ARHGAP18: variants seen among roughly 807,000 people sequenced by gnomAD.
ARHGAP18 encodes the protein Rho GTPase activating protein 18, also known as rho GTPase-activating protein 18.
A neutral mutation model predicts 86.2 loss-of-function variants in ARHGAP18; 67 were observed. The observed-to-expected ratio is 0.78, with a 90% CI of 0.64 to 0.95. The LOEUF (loss-of-function observed/expected upper bound fraction) is 0.95. Among genes scored for constraint, ARHGAP18 ranks in the 40% least tolerant of loss-of-function variants. The probability of loss-of-function intolerance (pLI) is 0.00; values close to 1 mark genes in which losing one functional copy is unlikely to be tolerated. For missense variants in ARHGAP18, 691 were observed against 780.4 expected (o/e 0.89, Z 1.37); for synonymous variants, 283 against 280.4 (o/e 1.01, Z -0.09).
At chr6:129,599,144 T>C (rs952031603) in intron 12 of ARHGAP18, 72 bp downstream of exon 12, 3 of 1,265,374 alleles carry the variant, frequency 2.4e-6, no homozygotes, top group Non-Finnish European at 3.1e-6. Flanking sequence ...TATGAAAACA[T>C]TAAATAAAAA....
At chr6:129,619,752 A>G (rs1445526679) in intron 5 of ARHGAP18, among the ~76,000 whole-genome samples, 1 of 151,538 alleles carries the variant, frequency 6.6e-6, no homozygotes, top group African/African-American at 2.4e-5. Flanking sequence ...TACCCTTCAC[A>G]TACACTTATG....
intron 1 of ARHGAP18, among the ~76,000 whole-genome samples, chr6:129,704,185 C>T (rs1200226950): frequency 6.6e-6 from 1 of 152,122 alleles, no homozygotes; most frequent in African/African-American, 2.4e-5. Context: ...GGGCTCACAC[C>T]TATAATCCTA....
chr6:129,657,907 G>A (rs1001510210), intron 1 of ARHGAP18, among the ~76,000 whole-genome samples: 1 of 152,086 alleles, frequency 6.6e-6, no homozygotes, highest in African/African-American at 2.4e-5. Flanking sequence ...CTTACTTTGG[G>A]CTATTGCTCC....
At chr6:129,684,021 G>A (rs866491533) in intron 1 of ARHGAP18, among the ~76,000 whole-genome samples, 8 of 152,308 alleles carry the variant, frequency 5.3e-5, no homozygotes, top group Middle Eastern at 3.4e-3. Flanking sequence ...GAGTTGGGGC[G>A]TTGAAAAATA....
At chr6:129,612,454 T>C (rs375480119) in intron 7 of ARHGAP18, among the ~76,000 whole-genome samples, 9 of 152,350 alleles carry the variant, frequency 5.9e-5, no homozygotes, top group East Asian at 3.9e-4. Flanking sequence ...ATTTCACAAT[T>C]GCCTTCCCTG....
At chr6:129,599,880 G>A (rs1788702488) in intron 11 of ARHGAP18, among the ~76,000 whole-genome samples, 2 of 151,950 alleles carry the variant, frequency 1.3e-5, no homozygotes, top group East Asian at 3.8e-4. Context: ...AATATTTTAA[G>A]GTATCAAAAT....
At chr6:129,591,887 T>C (rs1788523080) in intron 12 of ARHGAP18, among the ~76,000 whole-genome samples, 1 of 152,224 alleles carries the variant, frequency 6.6e-6, no homozygotes, top group Admixed American at 6.5e-5. Context: ...AATGGTATAT[T>C]CATCACCCTA....
At chr6:129,627,485 G>C (rs974180289) in intron 5 of ARHGAP18, among the ~76,000 whole-genome samples, 1 of 152,000 alleles carries the variant, frequency 6.6e-6, no homozygotes, top group Non-Finnish European at 1.5e-5. Context: ...AACTGAATCT[G>C]ATCAATTTAA....
At chr6:129,602,590 C>A (rs1179997601) in intron 10 of ARHGAP18, among the ~76,000 whole-genome samples, 1 of 152,034 alleles carries the variant, frequency 6.6e-6, no homozygotes, top group East Asian at 1.9e-4. Flanking sequence ...AAGGACAGAG[C>A]TTTAATATCT....
intron 1 of ARHGAP18, among the ~76,000 whole-genome samples, chr6:129,693,858 A>T (rs575556368): frequency 6.6e-6 from 1 of 152,294 alleles, no homozygotes; most frequent in South Asian, 2.1e-4. Flanking sequence ...AGAGTGCTCA[A>T]TATATATTTT....
chr6:129,629,114 T>C (rs1205498892), intron 5 of ARHGAP18, among the ~76,000 whole-genome samples: 1 of 151,992 alleles, frequency 6.6e-6, no homozygotes, highest in African/African-American at 2.4e-5. Flanking sequence ...CCAGGTGTGA[T>C]GGCTCATCCC....
At chr6:129,652,289 G>A (rs1490694890) in intron 1 of ARHGAP18, among the ~76,000 whole-genome samples, 1 of 152,186 alleles carries the variant, frequency 6.6e-6, no homozygotes, top group Admixed American at 6.5e-5. Context: ...CTCAGTTCTT[G>A]TTTCACAGCA....
chr6:129,629,892 AAGG>A (rs1562701040), intron 4 of ARHGAP18, among the ~76,000 whole-genome samples: 2 of 152,196 alleles, frequency 1.3e-5, no homozygotes, highest in Non-Finnish European at 2.9e-5. Flanking sequence ...GCAAAAAAAG[AAGG>A]AGGTGATGAG....
At chr6:129,624,327 G>A (rs1334762958) in intron 5 of ARHGAP18, among the ~76,000 whole-genome samples, 1 of 150,986 alleles carries the variant, frequency 6.6e-6, no homozygotes, top group African/African-American at 2.4e-5. Flanking sequence ...TCAGGAGTTC[G>A]AGACCAGCCT....
intron 1 of ARHGAP18, among the ~76,000 whole-genome samples, chr6:129,668,846 G>C (rs1317977489): frequency 6.6e-6 from 1 of 152,212 alleles, no homozygotes; most frequent in East Asian, 1.9e-4. Flanking sequence ...GTGATAGTCT[G>C]AGGCTGCAGG....
intron 12 of ARHGAP18, among the ~76,000 whole-genome samples, chr6:129,594,507 A>C (rs903172983): frequency 1.1e-4 from 16 of 152,144 alleles, no homozygotes; most frequent in African/African-American, 3.1e-4. Flanking sequence ...ACCTTGTGTA[A>C]TATGAACCAC....
chr6:129,620,294 C>A (rs1288141472), intron 5 of ARHGAP18, among the ~76,000 whole-genome samples: 2 of 152,184 alleles, frequency 1.3e-5, no homozygotes, highest in African/African-American at 2.4e-5. Flanking sequence ...GGATTTTTCA[C>A]TTGTGGCATC....
rs775464255 is a variant in ARHGAP18, at chr6:129,599,316, G to T, written c.1613C>A (p.Thr538Lys). 3 of 1,583,132 alleles carry T rather than the reference G, an allele frequency of 1.9e-6. No homozygotes were observed. The Admixed American group carries it at 5.4e-5, about 29-fold the overall frequency. Reference protein sequence around the residue: ...FIVNQVRKQNTENHKKDKRAM... With the variant: ...FIVNQVRKQNKENHKKDKRAM... ...TCTTTTATCCTTTTTATGATTTTCC[G>T]TGTTTTGCTTCCTCACTTGGTTTAC... is the stretch of plus-strand genomic sequence containing the variant. The change falls in exon 12 of 15, where the codon ACG (threonine) becomes AAG (lysine). Residue 538 changes from threonine (T) to lysine (K), a missense_variant. Coordinates refer to ENST00000368149, the MANE Select transcript of ARHGAP18 (RefSeq NM_033515.3).
intron 5 of ARHGAP18, among the ~76,000 whole-genome samples, chr6:129,624,097 G>A (rs1789288881): frequency 6.6e-6 from 1 of 152,186 alleles, no homozygotes; most frequent in South Asian, 2.1e-4. Context: ...AAGCTCTCAA[G>A]TGGAGATGAA....
Sources: allele counts gnomAD v4.1 joint callset (sites outside exome capture counted in the v4.1 genomes callset), GRCh38; gene constraint gnomAD v4.1.1; transcripts MANE v1.5; gene names NCBI Gene and HGNC (gene_info 2026-07-23, HGNC 2026-07-21).